DEPTOR: variants seen among roughly 807,000 people sequenced by gnomAD.
DEPTOR encodes the protein DEP domain containing MTOR interacting protein, also known as DEP domain-containing mTOR-interacting protein.
Under a neutral mutation model 41.6 loss-of-function variants are expected in DEPTOR, and 41 were observed. The observed-to-expected ratio is 0.98, with a 90% CI of 0.77 to 1.28. The LOEUF (loss-of-function observed/expected upper bound fraction) is 1.28. Ranked by LOEUF, DEPTOR falls within the 50% of genes most tolerant of loss-of-function variation. The probability of loss-of-function intolerance (pLI) is 0.00; values close to 1 mark genes in which losing one functional copy is unlikely to be tolerated. For synonymous variants in DEPTOR, 195 were observed against 192.3 expected, an observed-to-expected ratio of 1.01 and a Z score of -0.12; for missense variants, 514 against 527.9, an observed-to-expected ratio of 0.97 and a Z score of 0.26.
intron 6 of DEPTOR, among the ~76,000 whole-genome samples, chr8:120,005,873 C>G (rs1489217370): frequency 1.3e-5 from 2 of 152,092 alleles, no homozygotes; most frequent in Non-Finnish European, 2.9e-5. Context: ...GGACAGCATG[C>G]CACTATCTTC....
At chr8:119,912,945 G>A (rs1291605010) in intron 1 of DEPTOR, among the ~76,000 whole-genome samples, 1 of 152,090 alleles carries the variant, frequency 6.6e-6, no homozygotes, top group Non-Finnish European at 1.5e-5. Context: ...TTTTGAGATG[G>A]AGTCTTGCTC....
chr8:120,001,489 A>C (rs1318249337), intron 4 of DEPTOR, 36 bp from the exon 5 acceptor site: 3 of 1,562,160 alleles, frequency 1.9e-6, no homozygotes, highest in Non-Finnish European at 2.6e-6. Flanking sequence ...AGGATGCCAG[A>C]TAGTCCTCAT....
chr8:119,940,145 A>T (rs1186478170), intron 3 of DEPTOR, among the ~76,000 whole-genome samples: 1 of 152,054 alleles, frequency 6.6e-6, no homozygotes, highest in Non-Finnish European at 1.5e-5. Flanking sequence ...TGAACGCAGG[A>T]GGTGGAGGTT....
chr8:119,923,270 G>A (rs545540380), intron 1 of DEPTOR, among the ~76,000 whole-genome samples: 1 of 151,508 alleles, frequency 6.6e-6, no homozygotes, highest in South Asian at 2.1e-4. Flanking sequence ...TTGAGATGAG[G>A]TCTCTCTGTG....
intron 1 of DEPTOR, 70 bp downstream of exon 1, chr8:119,874,038 G>T (rs950275361): frequency 1.3e-6 from 2 of 1,588,266 alleles, no homozygotes; most frequent in Middle Eastern, 1.7e-4. Flanking sequence ...AGTCCTGCGC[G>T]CACGCGCTCC....
intron 8 of DEPTOR, among the ~76,000 whole-genome samples, chr8:120,024,024 T>C (rs908695857): frequency 2.0e-5 from 3 of 152,032 alleles, no homozygotes; most frequent in African/African-American, 7.2e-5. Context: ...TCACCTGAGG[T>C]TAGGAGTTTG....
chr8:120,009,043 G>A lies in DEPTOR; in HGVS notation c.1011G>A (p.Ala337=), dbSNP rs544954637. ...ARKTFTIVGD[A]VGWGFVVRGS... ...TTCCTCTCTAGATTGTTGGTGACGCGGTTGGCTGGGGTTTTGTGGTGCGAG... is the reference window on the plus strand; with the variant it reads ...TTCCTCTCTAGATTGTTGGTGACGCAGTTGGCTGGGGTTTTGTGGTGCGAG... The change falls in exon 8 of 9, where the codon GCG becomes GCA. Residue 337 remains alanine, a synonymous_variant. Transcript: ENST00000286234. The A allele has an allele frequency of 5.5e-5, 88 of 1,614,040 alleles. No individual in the cohort carries two copies. Among genetic ancestry groups the A allele is most frequent in the African/African-American group, 8.0e-5 (6 of 75,050 alleles).
At chr8:120,047,164 C>G (rs1365008450) in intron 8 of DEPTOR, among the ~76,000 whole-genome samples, 7 of 152,042 alleles carry the variant, frequency 4.6e-5, no homozygotes, top group Non-Finnish European at 7.4e-5. Flanking sequence ...GCTGGGATTA[C>G]AGGTGTGCCA....
chr8:120,042,988 T>C (rs945907941), intron 8 of DEPTOR, among the ~76,000 whole-genome samples: 2 of 152,072 alleles, frequency 1.3e-5, no homozygotes, highest in African/African-American at 4.8e-5. Context: ...GTAGCTGGGA[T>C]TACAGGTATG....
chr8:119,944,753 T>G (rs1290464757), intron 3 of DEPTOR, among the ~76,000 whole-genome samples: 1 of 151,792 alleles, frequency 6.6e-6, no homozygotes, highest in African/African-American at 2.4e-5. Context: ...CTCCTGGGTT[T>G]AAGCAATTCT....
intron 4 of DEPTOR, among the ~76,000 whole-genome samples, chr8:119,968,830 C>T (rs56951762): frequency 0.036 from 5,445 of 152,106 alleles, 105 homozygotes; most frequent in African/African-American, 0.052. Flanking sequence ...GTTTGGGTTA[C>T]AGTTGGTTCT....
rs368870110 is a variant in DEPTOR, at chr8:119,921,504, C to T, written c.123-6896C>T. 1.2e-4 allele frequency among the ~76,000 whole-genome samples: 18 copies of T among 152,200 alleles called. No individual in the cohort carries two copies. The East Asian group carries it at 1.7e-3, about 15-fold the overall frequency. On this transcript the variant is annotated intron_variant, in intron 1 of 8. Transcript: ENST00000286234. Reference sequence around the variant, plus strand: ...GCACAGTTCTTATAGATTTTAACCCCGGTGACATGTCTAAAAATATTGAGT... The same window carrying T: ...GCACAGTTCTTATAGATTTTAACCCTGGTGACATGTCTAAAAATATTGAGT...
intron 1 of DEPTOR, among the ~76,000 whole-genome samples, chr8:119,910,139 A>T (rs1005887102): frequency 1.3e-5 from 2 of 152,242 alleles, no homozygotes; most frequent in Non-Finnish European, 2.9e-5. Context: ...GCATATACCA[A>T]GAGTATTCAG....
Position 119,965,398 on chromosome 8 carries a change from A to T in DEPTOR, c.592A>T (p.Ile198Phe). ...TTGCCACCGGCTTATGGAGCATGGC[A>T]TCATCCAGCATGGTGAGCGTATTGG... Reference protein sequence around the residue: ...QLCHRLMEHGIIQHVSNKHPF... With the variant: ...QLCHRLMEHGFIQHVSNKHPF... Residue 198 changes from isoleucine (I) to phenylalanine (F), a missense_variant, in exon 4 of 9, where the codon ATC becomes TTC. By Grantham distance (21) the Ile-to-Phe change is conservative (BLOSUM62 0). Coordinates refer to ENST00000286234, the MANE Select transcript of DEPTOR (RefSeq NM_022783.4). The T allele has an allele frequency of 1.2e-6, 2 of 1,613,626 alleles. No homozygotes were observed. The highest frequency in any genetic ancestry group is 1.7e-6 in the Non-Finnish European group (2 of 1,179,926).
At position 120,041,304 on chromosome 8, in the gene DEPTOR, C is replaced by T. The variant is rs1813065728; in HGVS notation, c.1102-8272C>T. On this transcript the variant is annotated intron_variant, in intron 8 of 8. Coordinates refer to ENST00000286234, the MANE Select transcript of DEPTOR (RefSeq NM_022783.4). Reference sequence around the variant, plus strand: ...ACGCCAGCCTATAAGAACAAATGTGCAATTGAACAATCCCATGGGCACTCA... The same window carrying T: ...ACGCCAGCCTATAAGAACAAATGTGTAATTGAACAATCCCATGGGCACTCA... Among the ~76,000 whole-genome samples the T allele has an allele frequency of 2.0e-5, 3 of 152,140 alleles. No individual in the cohort carries two copies. The South Asian group carries it at 6.2e-4, about 32-fold the overall frequency.
chr8:119,959,955 C>T (rs1020091204), intron 3 of DEPTOR, among the ~76,000 whole-genome samples: 15 of 152,074 alleles, frequency 9.9e-5, no homozygotes, highest in African/African-American at 3.1e-4. Flanking sequence ...ATGGGCCAGG[C>T]GCAGTGGCTC....
chr8:119,981,889 C>T (rs1828772027), intron 4 of DEPTOR, among the ~76,000 whole-genome samples: 1 of 151,496 alleles, frequency 6.6e-6, no homozygotes, highest in African/African-American at 2.4e-5. Flanking sequence ...GTGGCGGGCG[C>T]CTGTAATCCC....
chr8:120,003,175 C>T, intron 6 of DEPTOR, 64 bp downstream of exon 6: 1 of 1,581,608 alleles, frequency 6.3e-7, no homozygotes, highest in Non-Finnish European at 8.6e-7. Context: ...CCCTGGGAAG[C>T]AGAATCTGAG....
At chr8:120,047,667 G>C (rs929969948) in intron 8 of DEPTOR, among the ~76,000 whole-genome samples, 1 of 151,918 alleles carries the variant, frequency 6.6e-6, no homozygotes, top group African/African-American at 2.4e-5. Context: ...ATGAGCTACT[G>C]TGCCTGGCAG....
Sources: allele counts gnomAD v4.1 joint callset (sites outside exome capture counted in the v4.1 genomes callset), GRCh38; gene constraint gnomAD v4.1.1; transcripts MANE v1.5; gene names NCBI Gene and HGNC (gene_info 2026-07-23, HGNC 2026-07-21).